The following GTF2A1L variants were observed in gnomAD, a reference collection of about 807,000 sequenced individuals.
GTF2A1L encodes TFIIA-alpha and beta-like factor.
A neutral mutation model predicts 49.7 loss-of-function variants in GTF2A1L; 48 were observed. The observed-to-expected ratio is 0.97, with a 90% confidence interval of 0.77 to 1.23. The LOEUF is 1.23. GTF2A1L is among the 50% of genes most tolerant of loss of function. The pLI, the probability that GTF2A1L is intolerant of heterozygous loss-of-function variation, is 0.00. For synonymous variants in GTF2A1L, 246 were observed against 193.5 expected (o/e 1.27, Z -2.25); for missense variants, 736 against 564.8 (o/e 1.30, Z -3.07).
chr2:48,639,067 G>A (rs980954218), intron 3 of GTF2A1L, among the ~76,000 whole-genome samples: 2 of 151,962 alleles, frequency 1.3e-5, no homozygotes, highest in Non-Finnish European at 2.9e-5. Context: ...AAACAAATGG[G>A]AAAACATCCC....
chr2:48,660,285 G>A (rs1178026463), intron 6 of GTF2A1L, among the ~76,000 whole-genome samples: 1 of 152,044 alleles, frequency 6.6e-6, no homozygotes, highest in African/African-American at 2.4e-5. Flanking sequence ...GGGTAATGCT[G>A]GCCTCATAAA....
chr2:48,675,748 T>A (rs1280378646), intron 8 of GTF2A1L, among the ~76,000 whole-genome samples: 1 of 152,000 alleles, frequency 6.6e-6, no homozygotes, highest in African/African-American at 2.4e-5. Context: ...TTAGCAGACT[T>A]GCTTATAGCT....
At chr2:48,669,454 C>A (rs1441455662) in intron 6 of GTF2A1L, among the ~76,000 whole-genome samples, 1 of 152,146 alleles carries the variant, frequency 6.6e-6, no homozygotes. Flanking sequence ...TGTATAAAAA[C>A]TGGTAAATAT....
intron 3 of GTF2A1L, among the ~76,000 whole-genome samples, chr2:48,640,669 A>ACATGTAC (rs1677151952): frequency 6.6e-6 from 1 of 152,178 alleles, no homozygotes; most frequent in Non-Finnish European, 1.5e-5. Context: ...ACAAACCTTC[A>ACATGTAC]CATGTACCCC....
intron 3 of GTF2A1L, among the ~76,000 whole-genome samples, chr2:48,640,460 G>T (rs1425975271): frequency 6.6e-6 from 1 of 150,926 alleles, no homozygotes; most frequent in Non-Finnish European, 1.5e-5. Flanking sequence ...AATACTGCAT[G>T]TTCTAAGTGG....
At chr2:48,664,878 CTCTT>C (rs1430577055) in intron 6 of GTF2A1L, among the ~76,000 whole-genome samples, 2 of 152,086 alleles carry the variant, frequency 1.3e-5, no homozygotes, top group Non-Finnish European at 2.9e-5. Context: ...CTGTCTCTCT[CTCTT>C]TCTCTCTCTG....
At position 48,617,872 on chromosome 2, in the gene GTF2A1L, G is replaced by C; in HGVS notation, c.-3G>C. 6.4e-7 allele frequency: 1 copy of C among 1,551,844 alleles called. No homozygotes were observed. Among genetic ancestry groups the C allele is most frequent in the Admixed American group, 2.0e-5 (1 of 51,010 alleles). ...CAAAGGGCCAGGTGCTGGAGGTGCT[G>C]TCATGGCCTGCCTCAACCCGGTGGT... On this transcript the variant is annotated 5_prime_UTR_variant, in exon 1 of 9. Coordinates refer to ENST00000403751, the MANE Select transcript of GTF2A1L (RefSeq NM_006872.5).
At chr2:48,635,834 G>T (rs1401369962) in intron 3 of GTF2A1L, among the ~76,000 whole-genome samples, 1 of 152,142 alleles carries the variant, frequency 6.6e-6, no homozygotes, top group Non-Finnish European at 1.5e-5. Context: ...GTCTGGGAAA[G>T]TGTCTGCAGC....
rs149785723 is a variant in GTF2A1L, at chr2:48,630,411, G to A, written c.247+9121G>A. ...AATGGGATTGTGTTCTTGATTTGGC[G>A]TTCAGCTTGAACGTTGTTGGTGTAA... is the stretch of plus-strand genomic sequence containing the variant. On this transcript the variant is annotated intron_variant, in intron 3 of 8. Coordinates refer to ENST00000403751, the MANE Select transcript of GTF2A1L (RefSeq NM_006872.5). 2.5e-4 allele frequency among the ~76,000 whole-genome samples: 36 copies of A among 143,654 alleles called. 1 individual carries two copies. The East Asian group carries it at 5.9e-3, about 23-fold the overall frequency. The allele number at this position is 143,654 out of a possible 152,430, so 94.2% of individuals were successfully genotyped here.
At position 48,621,233 on chromosome 2, in the gene GTF2A1L, CCT is replaced by C; in HGVS notation, c.193_194del (p.Leu65ValfsTer26). ...EDFFRNSIQS[P>X]LFTLQLPHSL... ...CTTCTTCAGAAATAGCATCCAATCA[CCT>C]CTGTTTACTCTTCAGTTGCCGCACA... On this transcript the variant is annotated frameshift_variant, in exon 3 of 9. Coordinates refer to ENST00000403751, the MANE Select transcript of GTF2A1L (RefSeq NM_006872.5). LOFTEE classifies it high-confidence loss of function. The C allele has an allele frequency of 6.2e-7, 1 of 1,614,108 alleles. No individual in the cohort carries two copies. The highest frequency in any genetic ancestry group is 8.5e-7 in the Non-Finnish European group (1 of 1,180,014).
Position 48,621,159 on chromosome 2 carries a change from CT to C in GTF2A1L, c.124-7del, listed in dbSNP as rs1356803680. The stretch of plus-strand genomic sequence containing the variant: ...TTTTAAAGTAAACTTTTTTTTTCCC[CT>C]CTGCAGCTCTGGGAAACCAAGGTTT... On this transcript the variant is annotated splice_region_variant and splice_polypyrimidine_tract_variant and intron_variant, in intron 2 of 8. Transcript: ENST00000403751. 15 of 1,601,404 alleles carry C rather than the reference CT, an allele frequency of 9.4e-6. No homozygotes were observed. The highest frequency in any genetic ancestry group is 1.3e-5 in the Non-Finnish European group (15 of 1,176,512).
chr2:48,654,027 A>G (rs1457530158), intron 6 of GTF2A1L, among the ~76,000 whole-genome samples: 1 of 151,900 alleles, frequency 6.6e-6, no homozygotes, highest in Non-Finnish European at 1.5e-5. Flanking sequence ...TGATAAACGT[A>G]TGCTTATGAG....
At chr2:48,673,253 C>T (rs1411705216) in intron 8 of GTF2A1L, among the ~76,000 whole-genome samples, 2 of 151,976 alleles carry the variant, frequency 1.3e-5, no homozygotes, top group Admixed American at 1.3e-4. Flanking sequence ...AATACCTTTT[C>T]CTTACCCATT....
At chr2:48,618,899 G>A (rs139313545) in intron 1 of GTF2A1L, among the ~76,000 whole-genome samples, 28 of 152,262 alleles carry the variant, frequency 1.8e-4, no homozygotes, top group Non-Finnish European at 3.8e-4. Flanking sequence ...GTGTTCTAAT[G>A]GGTACTTTTT....
intron 3 of GTF2A1L, among the ~76,000 whole-genome samples, chr2:48,636,256 CT>C (rs1162945654): frequency 1.3e-5 from 2 of 152,196 alleles, no homozygotes; most frequent in Non-Finnish European, 1.5e-5. Flanking sequence ...GACACAAATG[CT>C]TTTCCTTGTA....
At chr2:48,671,723 T>G (rs762222946) in intron 8 of GTF2A1L, 43 bp downstream of exon 8, 1 of 1,540,684 alleles carries the variant, frequency 6.5e-7, no homozygotes, top group Non-Finnish European at 8.9e-7. Context: ...TTAACTGCAT[T>G]TATAGTAGAA....
In GTF2A1L at chr2:48,671,573, A is replaced by T; in HGVS notation, c.1240-18A>T. 6.2e-7 allele frequency: 1 copy of T among 1,607,556 alleles called. No individual in the cohort carries two copies. The highest frequency in any genetic ancestry group is 1.1e-5 in the South Asian group (1 of 89,240). The stretch of plus-strand genomic sequence containing the variant: ...AAGCATCATAAAATTCCTTAATGTG[A>T]TCATCTTTCGTCTTTAGGACCCTTT... On this transcript the variant is annotated intron_variant, in intron 7 of 8. Coordinates refer to ENST00000403751, the MANE Select transcript of GTF2A1L (RefSeq NM_006872.5).
At chr2:48,655,931 G>A (rs1487033876) in intron 6 of GTF2A1L, among the ~76,000 whole-genome samples, 3 of 152,102 alleles carry the variant, frequency 2.0e-5, no homozygotes, top group Non-Finnish European at 4.4e-5. Context: ...CCTCATATAA[G>A]TGGAATCAGA....
intron 3 of GTF2A1L, among the ~76,000 whole-genome samples, chr2:48,630,395 G>T (rs569126534): frequency 1.4e-5 from 2 of 143,916 alleles, no homozygotes; most frequent in South Asian, 4.7e-4. Flanking sequence ...AAATGGGATT[G>T]TGTTCTTGAT....
Sources: gnomAD v4.1 joint callset for allele counts (sites outside exome capture counted in the v4.1 genomes callset) on GRCh38, gnomAD v4.1.1 for gene constraint, MANE v1.5 for transcripts, NCBI Gene and HGNC (gene_info 2026-07-23, HGNC 2026-07-21) for gene names.